DTX1: variants seen among roughly 807,000 people sequenced by gnomAD.
DTX1 encodes deltex E3 ubiquitin ligase 1.
DTX1 carries 26 observed loss-of-function variants against 57.8 expected under a neutral mutation model. The ratio of observed to expected loss-of-function variants is 0.45; its 90% confidence interval spans 0.33 to 0.62. DTX1 has a LOEUF of 0.62. Among genes scored for constraint, DTX1 ranks in the 20% least tolerant of loss-of-function variants. The probability of loss-of-function intolerance (pLI) is 0.02; values close to 1 mark genes in which losing one functional copy is unlikely to be tolerated. For missense variants in DTX1, 704 were observed against 895.3 expected (o/e 0.79, Z 2.73); for synonymous variants, 398 against 394.1 (o/e 1.01, Z -0.12).
At chr12:113,059,492 C>G (rs143713335) in intron 2 of DTX1, among the ~76,000 whole-genome samples, 4 of 152,042 alleles carry the variant, frequency 2.6e-5, no homozygotes, top group African/African-American at 9.7e-5. Flanking sequence ...GAGATAAAAT[C>G]GATGAGGTCC....
intron 2 of DTX1, among the ~76,000 whole-genome samples, chr12:113,067,412 C>A (rs964586083): frequency 6.6e-6 from 1 of 152,188 alleles, no homozygotes; most frequent in African/African-American, 2.4e-5. Context: ...GGTCCAAGGC[C>A]TGTCTCTAAT....
chr12:113,084,114 A>G (rs2044838028), intron 3 of DTX1, among the ~76,000 whole-genome samples: 1 of 152,220 alleles, frequency 6.6e-6, no homozygotes, highest in South Asian at 2.1e-4. Context: ...CAGTGGGGGC[A>G]GAGTATCCAC....
intron 1 of DTX1, 121 bp from the exon 2 acceptor site, chr12:113,057,328 G>GCCC (rs1179952589): frequency 3.3e-5 from 5 of 152,388 alleles, no homozygotes; most frequent in Admixed American, 3.3e-4. Context: ...GACCCCGTAC[G>GCCC]CCCCCCTTGC....
At chr12:113,095,296 C>A in intron 8 of DTX1, 29 bp from the exon 9 acceptor site, 1 of 1,613,968 alleles carries the variant, frequency 6.2e-7, no homozygotes, top group Non-Finnish European at 8.5e-7. Context: ...TGTTCATGGT[C>A]TAAATCCCTG....
intron 2 of DTX1, among the ~76,000 whole-genome samples, chr12:113,065,644 G>C (rs1592842686): frequency 1.3e-5 from 2 of 152,224 alleles, no homozygotes; most frequent in Admixed American, 6.5e-5. Context: ...GATGGGAAGC[G>C]TGGGGGCTGG....
At position 113,093,702 on chromosome 12, in the gene DTX1, TACGCCCTCC is replaced by T; in HGVS notation, c.1165+10_1165+18del. 6.2e-7 allele frequency: 1 copy of T among 1,613,008 alleles called. No homozygotes were observed. Among genetic ancestry groups the T allele is most frequent in the Non-Finnish European group, 8.5e-7 (1 of 1,179,662 alleles). On this transcript the variant is annotated splice_donor_5th_base_variant and intron_variant, in intron 5 of 9. Coordinates refer to ENST00000548759, the MANE Select transcript of DTX1 (RefSeq NM_004416.3). The surrounding 1 kb of genome is among the most constrained non-coding windows in gnomAD (Gnocchi z 4.2). ...CCAAGAAGAAGCACCTTAAAAAGAG[TACGCCCTCC>T]ACGCCCTGCCTCACACGAGATGAAC...
intron 2 of DTX1, among the ~76,000 whole-genome samples, chr12:113,067,884 A>G (rs1023599349): frequency 2.0e-5 from 3 of 152,036 alleles, no homozygotes; most frequent in Non-Finnish European, 2.9e-5. Flanking sequence ...AAAAACAAAA[A>G]AAAAAATAGC....
At chr12:113,064,663 C>T (rs548723633) in intron 2 of DTX1, among the ~76,000 whole-genome samples, 7 of 152,254 alleles carry the variant, frequency 4.6e-5, no homozygotes, top group African/African-American at 1.7e-4. Flanking sequence ...TTTATTTCCT[C>T]CTCTGTAAAA....
chr12:113,058,216 G>C lies in DTX1; in HGVS notation c.24G>C (p.Gly8=). Residue 8 remains glycine, a synonymous_variant, in exon 2 of 10, where the codon GGG becomes GGC. Coordinates refer to ENST00000548759, the MANE Select transcript of DTX1 (RefSeq NM_004416.3). ...CCATGTCACGGCCAGGCCACGGTGGGCTGATGCCTGTGAATGGTCTGGGCT... is the reference window on the plus strand; with the variant it reads ...CCATGTCACGGCCAGGCCACGGTGGCCTGATGCCTGTGAATGGTCTGGGCT... MSRPGHG[G]LMPVNGLGFP... is the part of the protein sequence containing the mutation. 1 of 1,611,098 alleles carries C rather than the reference G, an allele frequency of 6.2e-7. No homozygotes were observed.
chr12:113,066,327 G>C (rs191337509), intron 2 of DTX1, among the ~76,000 whole-genome samples: 1 of 152,024 alleles, frequency 6.6e-6, no homozygotes, highest in African/African-American at 2.4e-5. Context: ...TCAGGAGTTC[G>C]AGACCAGCCT....
chr12:113,085,703 T>C (rs2044852092), intron 3 of DTX1, among the ~76,000 whole-genome samples: 1 of 152,164 alleles, frequency 6.6e-6, no homozygotes, highest in Non-Finnish European at 1.5e-5. Context: ...ATTAATTCAT[T>C]CATATTTATT....
At chr12:113,089,308 T>C (rs1337525139) in intron 3 of DTX1, among the ~76,000 whole-genome samples, 2 of 151,854 alleles carry the variant, frequency 1.3e-5, no homozygotes, top group Non-Finnish European at 2.9e-5. Flanking sequence ...GTGAGCAAAG[T>C]GGGAGCTGCA....
intron 2 of DTX1, among the ~76,000 whole-genome samples, chr12:113,075,238 G>A (rs915296378): frequency 1.3e-5 from 2 of 152,224 alleles, no homozygotes; most frequent in Admixed American, 1.3e-4. Context: ...TCACAGAGCT[G>A]GAAAGTCAGA....
intron 3 of DTX1, among the ~76,000 whole-genome samples, chr12:113,079,256 G>A (rs1457957526): frequency 2.0e-5 from 3 of 152,296 alleles, no homozygotes; most frequent in East Asian, 1.9e-4. Flanking sequence ...TCCCCAAGAG[G>A]AAGAGAGGGC....
chr12:113,058,177 T>C lies in DTX1; in HGVS notation c.-16T>C. The C allele has an allele frequency of 3.8e-6, 6 of 1,588,608 alleles. No individual in the cohort carries two copies. Among genetic ancestry groups the C allele is most frequent in the Non-Finnish European group, 5.1e-6 (6 of 1,165,816 alleles). ...CTGCAATAGTGGGGGACCTGGCCCC[T>C]GAGGCAGTGGCGGCCATGTCACGGC... is the stretch of plus-strand genomic sequence containing the variant. On this transcript the variant is annotated 5_prime_UTR_variant, in exon 2 of 10. Coordinates refer to ENST00000548759, the MANE Select transcript of DTX1 (RefSeq NM_004416.3).
intron 3 of DTX1, among the ~76,000 whole-genome samples, chr12:113,083,678 A>G (rs984607639): frequency 6.6e-6 from 1 of 152,158 alleles, no homozygotes; most frequent in Non-Finnish European, 1.5e-5. Flanking sequence ...GCACCAAACA[A>G]TATCTCTGTG....
In DTX1 at chr12:113,093,104, C is replaced by A; in HGVS notation, c.942-58C>A. 1.9e-6 allele frequency: 3 copies of A among 1,543,496 alleles called. No homozygotes were observed. The highest frequency in any genetic ancestry group is 2.6e-6 in the Non-Finnish European group (3 of 1,139,336). On this transcript the variant is annotated intron_variant, in intron 3 of 9. Transcript: ENST00000548759. This position sits in a 1 kb window ranked among gnomAD's most constrained non-coding sequence, Gnocchi z 4.2. The stretch of plus-strand genomic sequence containing the variant: ...CCAGAGACAGAAGGCAAGCCAGGTC[C>A]CCTGACGTCGCTTCGGGGGCTGGAG...
intron 3 of DTX1, among the ~76,000 whole-genome samples, chr12:113,079,571 A>T (rs2044800950): frequency 8.4e-6 from 1 of 119,084 alleles, no homozygotes; most frequent in East Asian, 2.6e-4. Context: ...TCTGTTGCCC[A>T]GGCTGGAGTG....
intron 2 of DTX1, among the ~76,000 whole-genome samples, chr12:113,074,224 C>G (rs538322934): frequency 6.6e-6 from 1 of 152,078 alleles, no homozygotes; most frequent in Admixed American, 6.5e-5. Context: ...GAAAGACTCT[C>G]TCTCATATAT....
Sources: allele counts gnomAD v4.1 joint callset (sites outside exome capture counted in the v4.1 genomes callset), GRCh38; gene constraint gnomAD v4.1.1; non-coding constraint Gnocchi (gnomAD v3.1); transcripts MANE v1.5; gene names NCBI Gene and HGNC (gene_info 2026-07-23, HGNC 2026-07-21).